Variants in TATDN2 observed in about 807,000 individuals in gnomAD.
TATDN2 encodes 3'-5' RNA nuclease TATDN2.
TATDN2 carries 44 observed loss-of-function variants against 60.3 expected under a neutral mutation model. That is an observed-to-expected ratio of 0.73 (90% CI 0.57 to 0.94). The LOEUF (loss-of-function observed/expected upper bound fraction) is 0.94. Among genes scored for constraint, TATDN2 ranks in the 40% least tolerant of loss-of-function variants. The pLI is 0.00. For missense variants in TATDN2, 997 were observed against 948.0 expected, an observed-to-expected ratio of 1.05 and a Z score of -0.68; for synonymous variants, 399 against 355.8, an observed-to-expected ratio of 1.12 and a Z score of -1.37.
chr3:10,254,936 G>C (rs1255363415), intron 2 of TATDN2, among the ~76,000 whole-genome samples: 3 of 151,858 alleles, frequency 2.0e-5, no homozygotes, highest in Admixed American at 6.6e-5. Context: ...ATCCATCTTA[G>C]GTCCTCCAGC....
chr3:10,273,228 A>G (rs1380062129), intron 4 of TATDN2, among the ~76,000 whole-genome samples: 1 of 152,162 alleles, frequency 6.6e-6, no homozygotes, highest in Non-Finnish European at 1.5e-5. Context: ...AGCTGCCTGT[A>G]AAGGGGAGGA....
chr3:10,269,499 A>C (rs929081376), intron 3 of TATDN2, among the ~76,000 whole-genome samples: 9 of 152,162 alleles, frequency 5.9e-5, no homozygotes, highest in South Asian at 2.1e-4. Context: ...GCTTGAGTCC[A>C]GGAGTTTGAG....
At chr3:10,271,559 C>T (rs1305825752) in intron 4 of TATDN2, among the ~76,000 whole-genome samples, 2 of 151,984 alleles carry the variant, frequency 1.3e-5, no homozygotes, top group African/African-American at 4.8e-5. Context: ...CCGCCTTGGC[C>T]TCCGAAAGTG....
At position 10,270,961 on chromosome 3, in the gene TATDN2, A is replaced by G; in HGVS notation, c.1779A>G (p.Glu593=). ...ACCCTAAGGCTGTGGCATTTGGAGAAATGGGCTTGGATTACTCTTACAAGT... is the reference window on the plus strand; with the variant it reads ...ACCCTAAGGCTGTGGCATTTGGAGAGATGGGCTTGGATTACTCTTACAAGT... The part of the protein sequence containing the change: ...LRHPKAVAFG[E]MGLDYSYKCT... Residue 593 remains glutamate (E), a synonymous_variant, in exon 4 of 8, where the codon GAA becomes GAG. Coordinates refer to ENST00000448281, the MANE Select transcript of TATDN2 (RefSeq NM_014760.4). The G allele has an allele frequency of 6.2e-7, 1 of 1,612,922 alleles. No homozygotes were observed. The highest frequency in any genetic ancestry group is 8.5e-7 in the Non-Finnish European group (1 of 1,179,510).
chr3:10,269,449 C>T (rs1426733783), intron 3 of TATDN2, among the ~76,000 whole-genome samples: 7 of 152,190 alleles, frequency 4.6e-5, no homozygotes, highest in Non-Finnish European at 1.0e-4. Context: ...TGGCTTATGC[C>T]TGTAATTTCA....
chr3:10,275,182 C>T (rs368094443), intron 4 of TATDN2, among the ~76,000 whole-genome samples: 41 of 152,022 alleles, frequency 2.7e-4, no homozygotes, highest in African/African-American at 7.5e-4. Context: ...GACAGGGTTT[C>T]ACCATGTTGG....
intron 2 of TATDN2, among the ~76,000 whole-genome samples, chr3:10,253,100 G>T (rs998728274): frequency 6.6e-6 from 1 of 151,762 alleles, no homozygotes; most frequent in African/African-American, 2.4e-5. Flanking sequence ...CTCGTGATCC[G>T]CCTGCATAGG....
At chr3:10,264,043 T>TG (rs1312748983) in intron 3 of TATDN2, among the ~76,000 whole-genome samples, 2 of 152,190 alleles carry the variant, frequency 1.3e-5, no homozygotes, top group Non-Finnish European at 2.9e-5. Context: ...TTTGTCTTTT[T>TG]GGTGCAGTAC....
In TATDN2 at chr3:10,270,800, C is replaced by G; in HGVS notation, c.1618C>G (p.Pro540Ala). 4 of 1,614,186 alleles carry G rather than the reference C, an allele frequency of 2.5e-6. No homozygotes were observed. Among genetic ancestry groups the G allele is most frequent in the Non-Finnish European group, 2.5e-6 (3 of 1,180,026 alleles). The change falls in exon 4 of 8, where the codon CCC becomes GCC. Residue 540 changes from proline (P) to alanine (A), a missense_variant. Transcript: ENST00000448281. Reference protein sequence around the residue: ...FQGCISDFCDPRTLTDCLWEE... With the variant: ...FQGCISDFCDARTLTDCLWEE... Reference sequence around the variant, plus strand: ...GGGCTGCATCTCTGACTTCTGTGATCCCCGCACCCTGACAGATTGCCTATG... The same window carrying G: ...GGGCTGCATCTCTGACTTCTGTGATGCCCGCACCCTGACAGATTGCCTATG...
Position 10,279,312 on chromosome 3 carries a change from C to A in TATDN2, c.*130C>A. The A allele has an allele frequency of 3.5e-6, 1 of 286,906 alleles. No individual in the cohort carries two copies. The highest frequency in any genetic ancestry group is 4.7e-5 in the South Asian group (1 of 21,192). 17.8% of individuals were successfully genotyped at this position (286,906 alleles called of 1,614,324 possible). On this transcript the variant is annotated 3_prime_UTR_variant, in exon 8 of 8. Transcript: ENST00000448281. ...AGAGAGCTGATTGGAACACAGAAAA[C>A]CAGGACAGGATGTTTTCCTCCAAGC...
At chr3:10,265,882 TC>T (rs1253523044) in intron 3 of TATDN2, among the ~76,000 whole-genome samples, 8 of 152,014 alleles carry the variant, frequency 5.3e-5, no homozygotes, top group South Asian at 2.1e-4. Context: ...TTGACAGACT[TC>T]AGCTAATTCC....
chr3:10,268,998 C>A (rs755854775), intron 3 of TATDN2, among the ~76,000 whole-genome samples: 7 of 152,148 alleles, frequency 4.6e-5, no homozygotes, highest in Non-Finnish European at 1.0e-4. Flanking sequence ...GCAGGTGTTT[C>A]TTGGGGAGCC....
chr3:10,255,136 A>C (rs1414879737), intron 2 of TATDN2, among the ~76,000 whole-genome samples: 2 of 150,266 alleles, frequency 1.3e-5, no homozygotes, highest in Admixed American at 1.3e-4. Flanking sequence ...CAGCCTCCCA[A>C]GTAGCTGGGA....
At chr3:10,253,879 T>TGG (rs1182013362) in intron 2 of TATDN2, among the ~76,000 whole-genome samples, 2 of 152,212 alleles carry the variant, frequency 1.3e-5, no homozygotes, top group Non-Finnish European at 2.9e-5. Context: ...GGCCGAGCTG[T>TGG]GGGGTAATAT....
chr3:10,278,882 C>T lies in TATDN2; in HGVS notation c.2146-3C>T, dbSNP rs751315430. 1.8e-5 allele frequency: 29 copies of T among 1,613,944 alleles called. No individual in the cohort carries two copies. The South Asian group carries it at 3.1e-4, about 17-fold the overall frequency. On this transcript the variant is annotated splice_region_variant and splice_polypyrimidine_tract_variant and intron_variant, in intron 6 of 7. Transcript: ENST00000448281. The surrounding 1 kb of genome is among the most constrained non-coding windows in gnomAD (Gnocchi z 4.7). ...GATGTTATGACCACTTGATGTCTTCCAGGTTCCCAAAAGCCTTTGCCAGTA... is the reference window on the plus strand; with the variant it reads ...GATGTTATGACCACTTGATGTCTTCTAGGTTCCCAAAAGCCTTTGCCAGTA...
chr3:10,264,011 C>G lies in TATDN2; in HGVS notation c.948+3341C>G, dbSNP rs1272785235. 2.0e-5 allele frequency among the ~76,000 whole-genome samples: 3 copies of G among 152,072 alleles called. No individual in the cohort carries two copies. In the South Asian group the frequency reaches 6.2e-4, roughly 31 times the overall value. On this transcript the variant is annotated intron_variant, in intron 3 of 7. Transcript: ENST00000448281. Reference sequence around the variant, plus strand: ...GTAGCGAAAGGGGCGGCTGCGGGGGCGGCGTCAGCATTCACTTAATCTTTG... The same window carrying G: ...GTAGCGAAAGGGGCGGCTGCGGGGGGGGCGTCAGCATTCACTTAATCTTTG...
Position 10,278,898 on chromosome 3 carries a change from T to A in TATDN2, c.2159T>A (p.Leu720His). The A allele has an allele frequency of 6.2e-7, 1 of 1,613,900 alleles. No homozygotes were observed. The highest frequency in any genetic ancestry group is 8.5e-7 in the Non-Finnish European group (1 of 1,179,928). ...GATGTCTTCCAGGTTCCCAAAAGCC[T>A]TTGCCAGTATGCCCACCCGGGCCTG... The part of the protein sequence containing the change: ...YFLPRQVPKS[L>H]CQYAHPGLAL... Residue 720 changes from leucine (L) to histidine (H), a missense_variant, in exon 7 of 8, where the codon CTT (leucine) becomes CAT (histidine). Physicochemically the swap from Leu to His is moderately conservative, Grantham distance 99. Transcript: ENST00000448281. The surrounding 1 kb of genome is among the most constrained non-coding windows in gnomAD (Gnocchi z 4.7).
At position 10,260,687 on chromosome 3, in the gene TATDN2, C is replaced by G. The variant is rs756224832; in HGVS notation, c.948+17C>G. 18 of 1,598,036 alleles carry G rather than the reference C, an allele frequency of 1.1e-5. No individual in the cohort carries two copies. Among genetic ancestry groups the G allele is most frequent in the East Asian group, 9.0e-5 (4 of 44,688 alleles). On this transcript the variant is annotated intron_variant, in intron 3 of 7. Transcript: ENST00000448281. ...ATCCAAAAGGTGAGTAAAGCTTGTA[C>G]CAGGCATCTGACTTTTTAGTTCTGT...
chr3:10,249,245 G>A lies in TATDN2; in HGVS notation c.45G>A (p.Thr15=), dbSNP rs769529124. ...AGGTCAAGCACAACTGGAGCAGCAC[G>A]TCGGAAGGGTGTCCCCGCAAGCGCA... The part of the protein sequence containing the change: ...RGKVKHNWSS[T]SEGCPRKRSC... Residue 15 remains threonine, a synonymous_variant, in exon 2 of 8, where the codon ACG becomes ACA. Transcript: ENST00000448281. 1 of 1,559,862 alleles carries A rather than the reference G, an allele frequency of 6.4e-7. No homozygotes were observed. The highest frequency in any genetic ancestry group is 1.2e-5 in the South Asian group (1 of 83,332).
Sources: allele counts gnomAD v4.1 joint callset (sites outside exome capture counted in the v4.1 genomes callset), GRCh38; gene constraint gnomAD v4.1.1; non-coding constraint Gnocchi (gnomAD v3.1); transcripts MANE v1.5; gene names NCBI Gene and HGNC (gene_info 2026-07-23, HGNC 2026-07-21).